RPAP2: variants seen among roughly 807,000 people sequenced by gnomAD.
RPAP2 encodes the protein putative RNA polymerase II subunit B1 CTD phosphatase RPAP2.
In RPAP2, 52 loss-of-function variants were observed where a neutral mutation model predicts 73.1. The ratio of observed to expected loss-of-function variants is 0.71; its 90% CI spans 0.57 to 0.90. The LOEUF is 0.90. Among genes scored for constraint, RPAP2 ranks in the 40% least tolerant of loss-of-function variants. The probability of loss-of-function intolerance (pLI) is 0.00; values close to 1 mark genes in which losing one functional copy is unlikely to be tolerated. For synonymous variants in RPAP2, 225 were observed against 242.1 expected (o/e 0.93, Z 0.65); for missense variants, 598 against 701.8 (o/e 0.85, Z 1.67).
intron 3 of RPAP2, among the ~76,000 whole-genome samples, chr1:92,302,927 G>A (rs892798014): frequency 4.0e-5 from 6 of 150,310 alleles, no homozygotes; most frequent in Non-Finnish European, 7.4e-5. Flanking sequence ...GGCCAGGCAC[G>A]ATGGCTCATA....
intron 11 of RPAP2, among the ~76,000 whole-genome samples, chr1:92,368,749 G>A (rs1170903050): frequency 6.6e-6 from 1 of 152,180 alleles, no homozygotes. Flanking sequence ...ATAACAAATG[G>A]AGGGTACTTG....
At chr1:92,325,051 T>G (rs1275520634) in intron 8 of RPAP2, among the ~76,000 whole-genome samples, 1 of 152,204 alleles carries the variant, frequency 6.6e-6, no homozygotes, top group Non-Finnish European at 1.5e-5. Context: ...TTTATCACAG[T>G]ACATGACATA....
At chr1:92,365,188 A>G (rs1220326512) in intron 11 of RPAP2, among the ~76,000 whole-genome samples, 1 of 152,168 alleles carries the variant, frequency 6.6e-6, no homozygotes, top group Non-Finnish European at 1.5e-5. Flanking sequence ...CCCCTTAAGT[A>G]AGACCTCTCA....
chr1:92,373,750 A>T lies in RPAP2; in HGVS notation c.1689-6974A>T, dbSNP rs867982840. Among the ~76,000 whole-genome samples the T allele has an allele frequency of 6.8e-3, 965 of 141,576 alleles. 6 individuals carry two copies. Among genetic ancestry groups the T allele is most frequent in the Admixed American group, 0.012 (164 of 14,106 alleles). The allele number at this position is 141,576 out of a possible 152,430, so 92.9% of individuals were successfully genotyped here. ...GTCTCTACTAAAAATAAAAAAAAAA[A>T]AAAAAAAAAAAAAAAAAAAAGTAGC... On this transcript the variant is annotated intron_variant, in intron 11 of 12. Transcript: ENST00000610020.
rs1303358985 is a variant in RPAP2 at position 92,388,337 on chromosome 1, T to A, written c.*1326T>A. On this transcript the variant is annotated 3_prime_UTR_variant, in exon 13 of 13. Coordinates refer to ENST00000610020, the MANE Select transcript of RPAP2 (RefSeq NM_024813.3). ...AGGAGGACTGCTTGAGCCCAGGAGTTCAAGACCAGCCTGGGCAACAAAGTG... is the reference window on the plus strand; with the variant it reads ...AGGAGGACTGCTTGAGCCCAGGAGTACAAGACCAGCCTGGGCAACAAAGTG... 2 of 152,030 alleles carry A rather than the reference T, an allele frequency of 1.3e-5. No individual in the cohort carries two copies. Among genetic ancestry groups the A allele is most frequent in the Non-Finnish European group, 2.9e-5 (2 of 68,100 alleles). 9.4% of individuals were successfully genotyped at this position (152,030 alleles called of 1,614,324 possible).
At chr1:92,375,060 CAT>C (rs1427675715) in intron 11 of RPAP2, among the ~76,000 whole-genome samples, 1 of 152,028 alleles carries the variant, frequency 6.6e-6, no homozygotes, top group African/African-American at 2.4e-5. Flanking sequence ...ATCTGGAAAA[CAT>C]AAAGATTATA....
intron 5 of RPAP2, among the ~76,000 whole-genome samples, 198 bp from the exon 6 acceptor site, chr1:92,306,990 G>GA (rs1651284308): frequency 6.6e-6 from 1 of 152,130 alleles, no homozygotes; most frequent in Non-Finnish European, 1.5e-5. Flanking sequence ...TACTTCTGGG[G>GA]AATGCGGAGG....
At position 92,396,392 on chromosome 1, in the gene RPAP2, A is replaced by G. The variant is rs1656183544; in HGVS notation, c.*9381A>G. 1 of 151,802 alleles carries G rather than the reference A, an allele frequency of 6.6e-6. No individual in the cohort carries two copies. Among genetic ancestry groups the G allele is most frequent in the Non-Finnish European group, 1.5e-5 (1 of 67,964 alleles). The allele number at this position is 151,802 out of a possible 1,614,324, so 9.4% of individuals were successfully genotyped here. Reference sequence around the variant, plus strand: ...TTTCTTTAAATGATATATGTATACAATGGAGTAGTGATATAGGCTACAATA... The same window carrying G: ...TTTCTTTAAATGATATATGTATACAGTGGAGTAGTGATATAGGCTACAATA... On this transcript the variant is annotated 3_prime_UTR_variant, in exon 13 of 13. Transcript: ENST00000610020.
chr1:92,358,084 A>G (rs1390988787), intron 11 of RPAP2, among the ~76,000 whole-genome samples: 1 of 152,172 alleles, frequency 6.6e-6, no homozygotes, highest in African/African-American at 2.4e-5. Flanking sequence ...TCTGTGTTTT[A>G]GGAAGGTTAG....
At chr1:92,362,839 T>TA (rs1318350346) in intron 11 of RPAP2, among the ~76,000 whole-genome samples, 9 of 152,232 alleles carry the variant, frequency 5.9e-5, no homozygotes, top group African/African-American at 1.9e-4. Flanking sequence ...TTCATGAGAA[T>TA]AAAAAAATTG....
intron 3 of RPAP2, among the ~76,000 whole-genome samples, chr1:92,301,953 A>C (rs998342633): frequency 1.3e-5 from 2 of 152,244 alleles, no homozygotes; most frequent in African/African-American, 4.8e-5. Flanking sequence ...AACATCACAT[A>C]CTACCCCACA....
At chr1:92,381,012 T>C in intron 12 of RPAP2, 139 bp downstream of exon 12, 3 of 636,662 alleles carry the variant, frequency 4.7e-6, no homozygotes, top group Non-Finnish European at 7.7e-6. Flanking sequence ...GGACATGATA[T>C]CCCTTAGTTC....
chr1:92,371,616 G>T (rs1655157833), intron 11 of RPAP2, among the ~76,000 whole-genome samples: 1 of 151,758 alleles, frequency 6.6e-6, no homozygotes, highest in Non-Finnish European at 1.5e-5. Context: ...GCTTTAAAAA[G>T]AAGGAAATCC....
chr1:92,333,551 T>C, intron 9 of RPAP2, 78 bp downstream of exon 9: 1 of 930,778 alleles, frequency 1.1e-6, no homozygotes, highest in Non-Finnish European at 1.7e-6. Context: ...GTGTAAGTAT[T>C]ATCCTCAGAT....
chr1:92,351,305 C>CAAAAAAAAAAAAAAAAAAAAA (rs60111119), intron 11 of RPAP2, among the ~76,000 whole-genome samples: 1 of 86,838 alleles, frequency 1.2e-5, no homozygotes, highest in African/African-American at 4.2e-5. Flanking sequence ...GACTCTGTCT[C>CAAAAAAAAAAAAAAAAAAAAA]AAAAAAAAAA....
chr1:92,301,394 G>A, intron 2 of RPAP2, 82 bp from the exon 3 acceptor site: 1 of 570,926 alleles, frequency 1.8e-6, no homozygotes, highest in Non-Finnish European at 3.0e-6. Context: ...AAAATAGTGA[G>A]TTAGGTTAGT....
chr1:92,391,683 A>C lies in RPAP2; in HGVS notation c.*4672A>C, dbSNP rs888024349. 3 of 152,234 alleles carry C rather than the reference A, an allele frequency of 2.0e-5. No individual in the cohort carries two copies. Among genetic ancestry groups the C allele is most frequent in the African/African-American group, 7.2e-5 (3 of 41,456 alleles). The allele number at this position is 152,234 out of a possible 1,614,324, so 9.4% of individuals were successfully genotyped here. The stretch of plus-strand genomic sequence containing the variant: ...AGAGAAGAGTCAAATAGATGCAATA[A>C]AAAATGATAAAGGGGATATCACCAC... On this transcript the variant is annotated 3_prime_UTR_variant, in exon 13 of 13. Transcript: ENST00000610020.
At chr1:92,348,255 TTCTC>T (rs1341536085) in intron 11 of RPAP2, among the ~76,000 whole-genome samples, 1 of 152,216 alleles carries the variant, frequency 6.6e-6, no homozygotes, top group Admixed American at 6.5e-5. Flanking sequence ...CTTGCATCCC[TTCTC>T]TCTTTCGTTA....
intron 12 of RPAP2, among the ~76,000 whole-genome samples, chr1:92,381,234 C>T (rs77280763): frequency 0.014 from 2,123 of 152,266 alleles, 50 homozygotes; most frequent in African/African-American, 0.048. Flanking sequence ...TGCAGTGATC[C>T]ATTGTGAACA....
Sources: allele counts gnomAD v4.1 joint callset (sites outside exome capture counted in the v4.1 genomes callset), GRCh38; gene constraint gnomAD v4.1.1; transcripts MANE v1.5; gene names NCBI Gene and HGNC (gene_info 2026-07-23, HGNC 2026-07-21).